Variants in CEMIP observed in about 807,000 individuals in gnomAD.
The protein encoded by CEMIP is cell migration-inducing and hyaluronan-binding protein.
In CEMIP, 105 loss-of-function variants were observed where a neutral mutation model predicts 156.9. The observed-to-expected ratio is 0.67, with a 90% CI of 0.57 to 0.79. CEMIP has a LOEUF of 0.79. CEMIP is among the 30% of genes least tolerant of loss of function. The pLI, the probability that CEMIP is intolerant of heterozygous loss-of-function variation, is 0.00. For missense variants in CEMIP, 1,457 were observed against 1,769.4 expected (o/e 0.82, Z 3.17); for synonymous variants, 676 against 668.4 (o/e 1.01, Z -0.17).
intron 12 of CEMIP, among the ~76,000 whole-genome samples, chr15:80,904,679 G>T (rs960680418): frequency 6.6e-6 from 1 of 152,066 alleles, no homozygotes; most frequent in African/African-American, 2.4e-5. Flanking sequence ...TGGCGGAAGG[G>T]GTCATGAGCC....
intron 3 of CEMIP, among the ~76,000 whole-genome samples, chr15:80,876,701 G>A (rs1246293525): frequency 6.6e-6 from 1 of 152,044 alleles, no homozygotes; most frequent in Non-Finnish European, 1.5e-5. Flanking sequence ...GCCTTCCAAT[G>A]GGCAAAGAGG....
chr15:80,931,025 C>T (rs1004377738), intron 21 of CEMIP, among the ~76,000 whole-genome samples: 1 of 152,162 alleles, frequency 6.6e-6, no homozygotes, highest in African/African-American at 2.4e-5. Context: ...GAGTCTGAGG[C>T]AATGGGAGAA....
chr15:80,809,016 G>C (rs2141620710), intron 1 of CEMIP, among the ~76,000 whole-genome samples: 1 of 152,276 alleles, frequency 6.6e-6, no homozygotes, highest in Non-Finnish European at 1.5e-5. Context: ...GTAAGTTATT[G>C]ATTTTTCTTA....
chr15:80,884,437 CCT>C, intron 7 of CEMIP, 83 bp downstream of exon 7: 1 of 1,386,310 alleles, frequency 7.2e-7, no homozygotes, highest in Admixed American at 1.7e-5. Context: ...TTTCCCATCT[CCT>C]CTCCCCACAG....
Position 80,808,389 on chromosome 15 carries a change from G to A in CEMIP, c.-176+28775G>A, listed in dbSNP as rs888210871. Among the ~76,000 whole-genome samples the A allele has an allele frequency of 2.0e-5, 3 of 152,176 alleles. No individual in the cohort carries two copies. The South Asian group carries it at 6.2e-4, about 32-fold the overall frequency. ...CCCACTTAGGCAGCTGCATTCTTGA[G>A]CTGGGAATATAAACTGGCATCAACC... On this transcript the variant is annotated intron_variant, in intron 1 of 29. Coordinates refer to ENST00000394685, the MANE Select transcript of CEMIP (RefSeq NM_001293298.2).
chr15:80,921,169 G>C, intron 16 of CEMIP, 68 bp downstream of exon 16: 1 of 1,402,680 alleles, frequency 7.1e-7, no homozygotes. Flanking sequence ...GACAGCCGAG[G>C]CTTACCTTGA....
At position 80,937,998 on chromosome 15, in the gene CEMIP, G is replaced by A. The variant is rs1324044310; in HGVS notation, c.3407+19G>A. ...ACTCAGGGTGAGCAGGCGCCCACTT[G>A]GCTGCAGGAAAGTGGCTCAACCTCA... On this transcript the variant is annotated intron_variant, in intron 25 of 29. Coordinates refer to ENST00000394685, the MANE Select transcript of CEMIP (RefSeq NM_001293298.2). 5.0e-6 allele frequency: 8 copies of A among 1,607,046 alleles called. No homozygotes were observed. The highest frequency in any genetic ancestry group is 6.0e-6 in the Non-Finnish European group (7 of 1,175,798).
intron 10 of CEMIP, among the ~76,000 whole-genome samples, chr15:80,894,325 T>A (rs1473500870): frequency 1.3e-5 from 2 of 152,254 alleles, no homozygotes; most frequent in African/African-American, 2.4e-5. Context: ...GGCTTTGTGA[T>A]CCTGGGTAAG....
At chr15:80,922,885 G>C (rs1451050278) in intron 17 of CEMIP, among the ~76,000 whole-genome samples, 1 of 152,230 alleles carries the variant, frequency 6.6e-6, no homozygotes, top group Non-Finnish European at 1.5e-5. Flanking sequence ...TGTTGGGGCA[G>C]AGGTGGTCTC....
At chr15:80,814,390 C>T (rs992967192) in intron 1 of CEMIP, among the ~76,000 whole-genome samples, 1 of 152,168 alleles carries the variant, frequency 6.6e-6, no homozygotes, top group Admixed American at 6.5e-5. Flanking sequence ...ACGGCTTGGC[C>T]ACCATCTCCA....
intron 1 of CEMIP, among the ~76,000 whole-genome samples, chr15:80,812,617 C>T (rs1805830991): frequency 1.3e-5 from 2 of 152,064 alleles, no homozygotes; most frequent in African/African-American, 4.8e-5. Context: ...GCAGTGATTC[C>T]CAGGGACATT....
At chr15:80,896,192 T>A in intron 12 of CEMIP, 132 bp downstream of exon 12, 1 of 915,702 alleles carries the variant, frequency 1.1e-6, no homozygotes, top group Non-Finnish European at 1.8e-6. Context: ...AAAAAAATCT[T>A]AAAACTTCAT....
intron 1 of CEMIP, among the ~76,000 whole-genome samples, chr15:80,854,798 T>C (rs1438756518): frequency 6.6e-6 from 1 of 151,638 alleles, no homozygotes; most frequent in Non-Finnish European, 1.5e-5. Flanking sequence ...AGAGGAAAAA[T>C]AAATCCACGA....
chr15:80,851,422 G>A (rs1473057972), intron 1 of CEMIP, among the ~76,000 whole-genome samples: 2 of 152,146 alleles, frequency 1.3e-5, no homozygotes, highest in Non-Finnish European at 1.5e-5. Flanking sequence ...CCAGGCCCTC[G>A]ATCACAGATA....
rs563446834 is a variant in CEMIP at position 80,865,472 on chromosome 15, G to A, written c.-175-8066G>A. Among the ~76,000 whole-genome samples the A allele has an allele frequency of 5.9e-5, 9 of 152,218 alleles. No individual in the cohort carries two copies. The South Asian group carries it at 6.2e-4, about 11-fold the overall frequency. The stretch of plus-strand genomic sequence containing the variant: ...TGGGATTATAGGCGTGAGCCACCGC[G>A]CCCGGCCAAGGAACTAAATTTTTAA... On this transcript the variant is annotated intron_variant, in intron 1 of 29. Transcript: ENST00000394685.
At chr15:80,803,147 T>C (rs1216404169) in intron 1 of CEMIP, among the ~76,000 whole-genome samples, 4 of 152,190 alleles carry the variant, frequency 2.6e-5, no homozygotes, top group African/African-American at 9.7e-5. Flanking sequence ...CCTGCCACTC[T>C]GTACTTCCTC....
intron 1 of CEMIP, among the ~76,000 whole-genome samples, chr15:80,832,944 A>G (rs1897188669): frequency 6.6e-6 from 1 of 151,966 alleles, no homozygotes; most frequent in Admixed American, 6.6e-5. Flanking sequence ...CAGGGGCTAC[A>G]GTGGCCTTTC....
intron 1 of CEMIP, among the ~76,000 whole-genome samples, chr15:80,825,962 T>C (rs566704874): frequency 6.6e-6 from 1 of 152,332 alleles, no homozygotes; most frequent in East Asian, 1.9e-4. Context: ...CCTTCTCTGT[T>C]TGTATGACAT....
intron 21 of CEMIP, among the ~76,000 whole-genome samples, chr15:80,930,865 C>T (rs11856090): frequency 2.0e-5 from 3 of 152,130 alleles, no homozygotes; most frequent in African/African-American, 7.2e-5. Flanking sequence ...CTGTGGAAGA[C>T]AATGTGCTTG....
Sources: allele counts gnomAD v4.1 joint callset (sites outside exome capture counted in the v4.1 genomes callset), GRCh38; gene constraint gnomAD v4.1.1; transcripts MANE v1.5; gene names NCBI Gene and HGNC (gene_info 2026-07-23, HGNC 2026-07-21).